The following SYCP1 variants were observed in gnomAD, a reference collection of about 807,000 sequenced individuals.
SYCP1 encodes the protein cancer/testis antigen 8.
Under a neutral mutation model 153.1 loss-of-function variants are expected in SYCP1, and 64 were observed. The ratio of observed to expected loss-of-function variants is 0.42; its 90% CI spans 0.34 to 0.51. SYCP1 has a LOEUF of 0.51. Among genes scored for constraint, SYCP1 ranks in the 20% least tolerant of loss-of-function variants. The pLI, the probability that SYCP1 is intolerant of heterozygous loss-of-function variation, is 0.06. For missense variants in SYCP1, 997 were observed against 1,049.0 expected (o/e 0.95, Z 0.68); for synonymous variants, 384 against 341.8 (o/e 1.12, Z -1.36).
At chr1:114,963,781 C>A (rs1671930805) in intron 27 of SYCP1, among the ~76,000 whole-genome samples, 1 of 152,166 alleles carries the variant, frequency 6.6e-6, no homozygotes, top group African/African-American at 2.4e-5. Context: ...CATTGATGGG[C>A]ATTTGGGTTG....
chr1:114,909,544 G>T (rs1668045742), intron 16 of SYCP1, among the ~76,000 whole-genome samples: 1 of 124,902 alleles, frequency 8.0e-6, no homozygotes. Context: ...ACGTTTATAT[G>T]TATTTATGTA....
At chr1:114,909,358 A>G (rs1668024438) in intron 16 of SYCP1, among the ~76,000 whole-genome samples, 1 of 151,948 alleles carries the variant, frequency 6.6e-6, no homozygotes. Context: ...ACCAAAACTG[A>G]CAAACTCACT....
At chr1:114,955,906 C>T (rs1312556622) in intron 27 of SYCP1, among the ~76,000 whole-genome samples, 1 of 152,220 alleles carries the variant, frequency 6.6e-6, no homozygotes, top group Non-Finnish European at 1.5e-5. Context: ...AGCTTGCAAT[C>T]AAAACCATCT....
intron 27 of SYCP1, among the ~76,000 whole-genome samples, chr1:114,970,485 C>T (rs780005379): frequency 1.3e-5 from 2 of 151,668 alleles, no homozygotes; most frequent in African/African-American, 4.8e-5. Flanking sequence ...TGTTATAGAA[C>T]CTTGTTTTGT....
intron 8 of SYCP1, chr1:114,863,210 A>G (rs1253707318): frequency 2.6e-5 from 4 of 152,228 alleles, no homozygotes; most frequent in Non-Finnish European, 5.9e-5. Flanking sequence ...AGGAATCACC[A>G]CACTGTCTTC....
intron 30 of SYCP1, among the ~76,000 whole-genome samples, chr1:114,987,801 C>A (rs536507707): frequency 2.6e-5 from 4 of 151,774 alleles, no homozygotes; most frequent in Admixed American, 6.6e-5. Flanking sequence ...ATTGGAATTA[C>A]TAGACAAAGA....
intron 12 of SYCP1, among the ~76,000 whole-genome samples, chr1:114,879,374 A>T (rs1665757129): frequency 6.6e-6 from 1 of 152,184 alleles, no homozygotes; most frequent in African/African-American, 2.4e-5. Flanking sequence ...TCATTACTAT[A>T]TGATATACTC....
intron 17 of SYCP1, among the ~76,000 whole-genome samples, chr1:114,910,771 T>C (rs115895024): frequency 6.6e-6 from 1 of 152,132 alleles, no homozygotes. Flanking sequence ...TTGAGTATTT[T>C]TTCTTTTGAG....
At chr1:114,956,836 A>G (rs1345671276) in intron 27 of SYCP1, among the ~76,000 whole-genome samples, 1 of 148,590 alleles carries the variant, frequency 6.7e-6, no homozygotes, top group Non-Finnish European at 1.5e-5. Flanking sequence ...ACTTCTTAGA[A>G]TCACTAGAAT....
rs142203003 is a variant in SYCP1 at position 114,879,191 on chromosome 1, C to T, written c.910+989C>T. 1.2e-4 allele frequency among the ~76,000 whole-genome samples: 18 copies of T among 152,188 alleles called. No individual in the cohort carries two copies. In the East Asian group the frequency reaches 2.5e-3, roughly 21 times the overall value. On this transcript the variant is annotated intron_variant, in intron 12 of 31. Transcript: ENST00000369522. ...GGAATATTTTTCAAACTTTTTTAAA[C>T]GGCAGGACACTTAGAAGGCATAGTG...
chr1:114,892,834 T>C (rs535642765), intron 15 of SYCP1, among the ~76,000 whole-genome samples: 4 of 151,598 alleles, frequency 2.6e-5, no homozygotes, highest in East Asian at 3.9e-4. Context: ...TCCAGGGATA[T>C]GGAGATGCGG....
intron 23 of SYCP1, among the ~76,000 whole-genome samples, chr1:114,943,962 T>C (rs1434937730): frequency 6.6e-6 from 1 of 151,886 alleles, no homozygotes; most frequent in African/African-American, 2.4e-5. Flanking sequence ...TGCTTCTTTA[T>C]AGAAAATTAA....
In SYCP1 at chr1:114,924,883, T is replaced by C. The variant is rs937232288; in HGVS notation, c.1800+1353T>C. Among the ~76,000 whole-genome samples the C allele has an allele frequency of 5.3e-5, 8 of 152,106 alleles. No individual in the cohort carries two copies. The East Asian group carries it at 1.5e-3, about 29-fold the overall frequency. On this transcript the variant is annotated intron_variant, in intron 21 of 31. Transcript: ENST00000369522. ...TTTGACATGAAGATTGTTAAAATTA[T>C]ATTTACACTTTTGAGAGCTGTAAAA... is the stretch of plus-strand genomic sequence containing the variant.
chr1:114,855,502 C>T lies in SYCP1; in HGVS notation c.38C>T (p.Pro13Leu). ...KQKPFALFVP[P>L]RSSSSQVSAV... ...AAGCCCTTTGCATTGTTCGTACCAC[C>T]GAGATCAAGCAGCAGTCAGGTGTCT... The change falls in exon 2 of 32, where the codon CCG becomes CTG. Residue 13 changes from proline to leucine, a missense_variant. This residue lies in a region of SYCP1 where 285 missense variants were observed against 366.1 expected (regional missense o/e 0.78). Transcript: ENST00000369522. 1 of 1,613,384 alleles carries T rather than the reference C, an allele frequency of 6.2e-7. No homozygotes were observed. Among genetic ancestry groups the T allele is most frequent in the Non-Finnish European group, 8.5e-7 (1 of 1,179,642 alleles).
At chr1:114,981,113 T>C (rs1311834489) in intron 28 of SYCP1, among the ~76,000 whole-genome samples, 2 of 151,948 alleles carry the variant, frequency 1.3e-5, no homozygotes, top group Non-Finnish European at 2.9e-5. Context: ...AGAGGCTCTG[T>C]GAAGACAGGC....
chr1:114,993,886 C>T (rs562225830), intron 30 of SYCP1, among the ~76,000 whole-genome samples: 7 of 151,252 alleles, frequency 4.6e-5, no homozygotes, highest in African/African-American at 1.7e-4. Flanking sequence ...CTTTATTCCA[C>T]TTTCCCCCAG....
At chr1:114,955,903 A>G (rs1343405407) in intron 27 of SYCP1, among the ~76,000 whole-genome samples, 1 of 152,214 alleles carries the variant, frequency 6.6e-6, no homozygotes, top group African/African-American at 2.4e-5. Context: ...CTGAGCTTGC[A>G]ATCAAAACCA....
intron 8 of SYCP1, among the ~76,000 whole-genome samples, chr1:114,861,343 G>T (rs187349440): frequency 6.6e-6 from 1 of 152,094 alleles, no homozygotes; most frequent in Non-Finnish European, 1.5e-5. Context: ...TTATAAAGTA[G>T]GATTTTTTCC....
chr1:114,888,814 C>T (rs1666492286), intron 15 of SYCP1, among the ~76,000 whole-genome samples: 1 of 152,030 alleles, frequency 6.6e-6, no homozygotes, highest in Admixed American at 6.6e-5. Context: ...CTCAACTTGT[C>T]ATTAACATTA....
Sources: gnomAD v4.1 joint callset for allele counts (sites outside exome capture counted in the v4.1 genomes callset) on GRCh38, gnomAD v4.1.1 for gene constraint, gnomAD v4.1.1 regional missense constraint, MANE v1.5 for transcripts, NCBI Gene and HGNC (gene_info 2026-07-23, HGNC 2026-07-21) for gene names.